SOX5: variants seen among roughly 807,000 people sequenced by gnomAD.
The protein encoded by SOX5 is transcription factor SOX-5.
Under a neutral mutation model 92.0 loss-of-function variants are expected in SOX5, and 9 were observed. The ratio of observed to expected loss-of-function variants is 0.10; its 90% CI spans 0.06 to 0.17. The LOEUF is 0.17. Among genes scored for constraint, SOX5 ranks in the 10% least tolerant of loss-of-function variants. SOX5 has a pLI of 1.00. For synonymous variants in SOX5, 344 were observed against 336.3 expected, an observed-to-expected ratio of 1.02 and a Z score of -0.25; for missense variants, 642 against 944.5, an observed-to-expected ratio of 0.68 and a Z score of 4.20.
chr12:23,840,238 A>G (rs1000416773), intron 3 of SOX5, among the ~76,000 whole-genome samples: 2 of 152,100 alleles, frequency 1.3e-5, no homozygotes, highest in African/African-American at 4.8e-5. Context: ...TTACATTTAA[A>G]TTTTTACATC....
chr12:23,941,503 A>G (rs1333709403), intron 1 of SOX5, among the ~76,000 whole-genome samples: 6 of 151,414 alleles, frequency 4.0e-5, no homozygotes, highest in Non-Finnish European at 8.9e-5. Flanking sequence ...CTTTTCCTCT[A>G]TTTCCCAAAT....
At chr12:24,119,500 C>T (rs962516462) in intron 4 of SOX5, among the ~76,000 whole-genome samples, 5 of 152,090 alleles carry the variant, frequency 3.3e-5, no homozygotes, top group South Asian at 2.1e-4. Context: ...ATACCTTAAA[C>T]GTAATTATGT....
intron 1 of SOX5, among the ~76,000 whole-genome samples, chr12:24,552,742 G>A (rs1415761576): frequency 6.6e-6 from 1 of 152,240 alleles, no homozygotes; most frequent in East Asian, 1.9e-4. Context: ...GCTCACGCCT[G>A]TAATCCCAAC....
intron 1 of SOX5, among the ~76,000 whole-genome samples, chr12:24,559,304 T>C (rs1447723212): frequency 6.6e-6 from 1 of 152,196 alleles, no homozygotes; most frequent in Non-Finnish European, 1.5e-5. Context: ...CTGAAGTTGA[T>C]TGGATATTGG....
intron 4 of SOX5, among the ~76,000 whole-genome samples, chr12:24,052,325 A>T (rs1470117410): frequency 6.6e-6 from 1 of 152,234 alleles, no homozygotes; most frequent in African/African-American, 2.4e-5. Flanking sequence ...GTCACAGAAT[A>T]AGTGAAATAA....
chr12:23,819,842 T>G (rs1467243033), intron 3 of SOX5, among the ~76,000 whole-genome samples: 1 of 152,226 alleles, frequency 6.6e-6, no homozygotes, highest in Non-Finnish European at 1.5e-5. Context: ...GATGGGCATT[T>G]GGGTTGGCTC....
chr12:23,779,747 A>T (rs2095222218), intron 3 of SOX5, among the ~76,000 whole-genome samples: 2 of 146,702 alleles, frequency 1.4e-5, no homozygotes, highest in Admixed American at 1.4e-4. Context: ...AAATTTCCCA[A>T]AAGCTTTACT....
At position 23,936,290 on chromosome 12, in the gene SOX5, G is replaced by T. The variant is rs562586419; in HGVS notation, c.38+13274C>A. On this transcript the variant is annotated intron_variant, in intron 1 of 14. Coordinates refer to ENST00000451604, the MANE Select transcript of SOX5 (RefSeq NM_006940.6). Reference sequence around the variant, plus strand: ...TTTAAAACTCAATAGTAAAATTAAAGATACATATAGTGGCATTTCAAAAAA... The same window carrying T: ...TTTAAAACTCAATAGTAAAATTAAATATACATATAGTGGCATTTCAAAAAA... Among the ~76,000 whole-genome samples, 4 of 151,032 alleles carry T rather than the reference G, an allele frequency of 2.6e-5. 1 individual carries two copies. The South Asian group carries it at 8.3e-4, about 31-fold the overall frequency.
At chr12:23,614,626 C>T (rs180834451) in intron 8 of SOX5, among the ~76,000 whole-genome samples, 21 of 152,234 alleles carry the variant, frequency 1.4e-4, no homozygotes, top group East Asian at 1.2e-3. Flanking sequence ...ATGAACATTC[C>T]GGTACAAGTT....
chr12:23,917,728 A>G (rs1273629106), intron 1 of SOX5, among the ~76,000 whole-genome samples: 1 of 152,160 alleles, frequency 6.6e-6, no homozygotes, highest in Non-Finnish European at 1.5e-5. Flanking sequence ...AAAAGGTTGG[A>G]CTAGTCGACC....
At chr12:23,930,708 A>G (rs1350039998) in intron 1 of SOX5, among the ~76,000 whole-genome samples, 2 of 151,768 alleles carry the variant, frequency 1.3e-5, no homozygotes, top group African/African-American at 4.8e-5. Flanking sequence ...ACAAATGAGT[A>G]AACTGAGGAA....
At chr12:23,822,014 CTCTTT>C (rs1248058549) in intron 3 of SOX5, among the ~76,000 whole-genome samples, 9 of 151,938 alleles carry the variant, frequency 5.9e-5, no homozygotes, top group Non-Finnish European at 1.0e-4. Flanking sequence ...TGATTCTTCT[CTCTTT>C]TCTTATTAGT....
At chr12:23,681,418 T>C (rs1267950190) in intron 6 of SOX5, among the ~76,000 whole-genome samples, 1 of 151,710 alleles carries the variant, frequency 6.6e-6, no homozygotes, top group East Asian at 1.9e-4. Context: ...TTACAATAAA[T>C]ATAAGTGGAG....
intron 3 of SOX5, among the ~76,000 whole-genome samples, chr12:23,800,861 A>T (rs772198312): frequency 6.6e-6 from 1 of 152,166 alleles, no homozygotes; most frequent in Non-Finnish European, 1.5e-5. Flanking sequence ...AATTGAGACA[A>T]TCCTACCTTA....
chr12:24,005,051 T>C (rs1952008016), intron 4 of SOX5, among the ~76,000 whole-genome samples: 1 of 152,014 alleles, frequency 6.6e-6, no homozygotes, highest in African/African-American at 2.4e-5. Context: ...ATATTAAATG[T>C]CCAAAAAGGC....
chr12:24,207,825 T>G (rs1958173136), intron 4 of SOX5, among the ~76,000 whole-genome samples: 1 of 152,168 alleles, frequency 6.6e-6, no homozygotes, highest in Non-Finnish European at 1.5e-5. Flanking sequence ...AGCATCAAGT[T>G]TAAATTCATA....
At chr12:23,656,005 C>T (rs983892299) in intron 7 of SOX5, among the ~76,000 whole-genome samples, 5 of 151,974 alleles carry the variant, frequency 3.3e-5, no homozygotes, top group Admixed American at 3.3e-4. Flanking sequence ...TTTAGAAATG[C>T]ATATACTCAT....
At chr12:24,241,637 AG>A (rs1286449150) in intron 3 of SOX5, among the ~76,000 whole-genome samples, 1 of 152,180 alleles carries the variant, frequency 6.6e-6, no homozygotes, top group African/African-American at 2.4e-5. Context: ...CTACCTCTGG[AG>A]AAGACACTGA....
intron 2 of SOX5, among the ~76,000 whole-genome samples, chr12:23,887,030 T>G (rs985987866): frequency 2.0e-5 from 3 of 152,144 alleles, no homozygotes; most frequent in African/African-American, 2.4e-5. Flanking sequence ...TAATACAATC[T>G]CAGAATAAAT....
Sources: gnomAD v4.1 joint callset for allele counts (sites outside exome capture counted in the v4.1 genomes callset) on GRCh38, gnomAD v4.1.1 for gene constraint, MANE v1.5 for transcripts, NCBI Gene and HGNC (gene_info 2026-07-23, HGNC 2026-07-21) for gene names.